ENTREP2: variants seen among roughly 807,000 people sequenced by gnomAD.
ENTREP2 encodes protein ENTREP2.
At chr15:29,437,045 G>C in the ENTREP2 span, among the ~76,000 whole-genome samples, 3 of 152,190 alleles carry the variant, frequency 2.0e-5, no homozygotes, top group Non-Finnish European at 4.4e-5. Flanking sequence ...ATCTTAAATT[G>C]TCTTTTAGAC....
the ENTREP2 span, among the ~76,000 whole-genome samples, chr15:29,250,371 T>C: frequency 6.6e-6 from 1 of 152,204 alleles, no homozygotes; most frequent in African/African-American, 2.4e-5. Context: ...TTGATGATTC[T>C]GTGGTACCAT....
chr15:29,549,559 T>C, the ENTREP2 span, among the ~76,000 whole-genome samples: 1 of 152,180 alleles, frequency 6.6e-6, no homozygotes, highest in Admixed American at 6.5e-5. Flanking sequence ...CATGAGCCAC[T>C]GTGCCCGGCT....
the ENTREP2 span, among the ~76,000 whole-genome samples, chr15:29,635,777 T>C: frequency 6.6e-6 from 1 of 152,074 alleles, no homozygotes; most frequent in African/African-American, 2.4e-5. Flanking sequence ...CACCTGTGAT[T>C]TATGGGCTTT....
chr15:29,474,558 T>C, the ENTREP2 span, among the ~76,000 whole-genome samples: 5 of 146,834 alleles, frequency 3.4e-5, no homozygotes, highest in African/African-American at 1.3e-4. Flanking sequence ...TCTGTTGTTG[T>C]TTTTTTTTCC....
At chr15:29,517,457 C>T in the ENTREP2 span, among the ~76,000 whole-genome samples, 5 of 152,050 alleles carry the variant, frequency 3.3e-5, no homozygotes, top group South Asian at 2.1e-4. Context: ...TACATTATAC[C>T]GTTCTTTGAA....
At chr15:29,253,366 A>G in the ENTREP2 span, among the ~76,000 whole-genome samples, 1 of 151,870 alleles carries the variant, frequency 6.6e-6, no homozygotes. Context: ...ACATTTCTCT[A>G]GCCTCTGTAT....
the ENTREP2 span, among the ~76,000 whole-genome samples, chr15:29,294,040 A>G: frequency 6.6e-6 from 1 of 152,180 alleles, no homozygotes; most frequent in Non-Finnish European, 1.5e-5. Flanking sequence ...GGAATCTTGC[A>G]GCCCAGAGCA....
At chr15:29,443,991 C>T in the ENTREP2 span, among the ~76,000 whole-genome samples, 1 of 151,936 alleles carries the variant, frequency 6.6e-6, no homozygotes, top group Non-Finnish European at 1.5e-5. Flanking sequence ...GTAGTCCCAG[C>T]TACTCAGGAG....
chr15:29,447,992 G>A, the ENTREP2 span, among the ~76,000 whole-genome samples: 1 of 152,050 alleles, frequency 6.6e-6, no homozygotes, highest in African/African-American at 2.4e-5. Flanking sequence ...CTTGAACCCG[G>A]GACGTGGAGG....
At chr15:29,499,339 G>T in the ENTREP2 span, among the ~76,000 whole-genome samples, 1 of 151,942 alleles carries the variant, frequency 6.6e-6, no homozygotes, top group African/African-American at 2.4e-5. Context: ...TTACCATGAG[G>T]CTTACATAAA....
chr15:29,500,437 G>A, the ENTREP2 span, among the ~76,000 whole-genome samples: 3 of 151,824 alleles, frequency 2.0e-5, no homozygotes, highest in Admixed American at 1.3e-4. Context: ...AATCACAAAA[G>A]GAAAACTGGA....
At chr15:29,564,772 T>C in the ENTREP2 span, among the ~76,000 whole-genome samples, 1 of 152,214 alleles carries the variant, frequency 6.6e-6, no homozygotes, top group African/African-American at 2.4e-5. Flanking sequence ...CAGGTCCTTC[T>C]GATGCTGGTG....
chr15:29,584,320 A>G, the ENTREP2 span, among the ~76,000 whole-genome samples: 4 of 152,214 alleles, frequency 2.6e-5, no homozygotes, highest in African/African-American at 7.2e-5. Context: ...AACAAAATCT[A>G]TATCTTGAAG....
chr15:29,353,254 T>C, the ENTREP2 span, among the ~76,000 whole-genome samples: 1 of 152,144 alleles, frequency 6.6e-6, no homozygotes, highest in African/African-American at 2.4e-5. Context: ...TCTTATGGAC[T>C]GGTGCATTTG....
chr15:29,569,452 ATTAGTT>A, the ENTREP2 span: 76,454 of 151,462 alleles, frequency 0.5, 21,494 homozygotes, highest in Non-Finnish European at 0.65. Flanking sequence ...AATAGCAAAC[ATTAGTT>A]TTAAAGGATT....
At chr15:29,145,480 A>G in the ENTREP2 span, among the ~76,000 whole-genome samples, 4 of 151,822 alleles carry the variant, frequency 2.6e-5, no homozygotes, top group Non-Finnish European at 5.9e-5. Flanking sequence ...AAAATTAGCC[A>G]GGTGTGGTGG....
At chr15:29,434,911 A>G in the ENTREP2 span, among the ~76,000 whole-genome samples, 1 of 152,076 alleles carries the variant, frequency 6.6e-6, no homozygotes, top group Admixed American at 6.5e-5. Context: ...TGTTAGGCAG[A>G]CTCCAAGACT....
At chr15:29,538,407 G>C in the ENTREP2 span, among the ~76,000 whole-genome samples, 8 of 152,050 alleles carry the variant, frequency 5.3e-5, no homozygotes, top group African/African-American at 1.9e-4. Flanking sequence ...GCTGAACTCG[G>C]AAATTATTAT....
the ENTREP2 span, chr15:29,122,438 T>C: frequency 2.0e-5 from 3 of 152,130 alleles, no homozygotes; most frequent in Non-Finnish European, 4.4e-5. Flanking sequence ...GGACCTGCTT[T>C]ATCAGGAGGG....
Sources: gnomAD v4.1 joint callset for allele counts (sites outside exome capture counted in the v4.1 genomes callset) on GRCh38, gnomAD v4.1.1 for gene constraint, MANE v1.5 for transcripts, NCBI Gene and HGNC (gene_info 2026-07-23, HGNC 2026-07-21) for gene names.